The following CPQ variants were observed in gnomAD, a reference collection of about 807,000 sequenced individuals.
CPQ encodes the protein carboxypeptidase Q, also known as Ser-Met dipeptidase.
In CPQ, 37 loss-of-function variants were observed where a neutral mutation model predicts 45.7. The ratio of observed to expected loss-of-function variants is 0.81; its 90% confidence interval spans 0.62 to 1.07. The LOEUF is 1.07. Ranked by LOEUF, CPQ falls within the 50% of genes least tolerant of loss-of-function variation. CPQ has a pLI of 0.00. For missense variants in CPQ, 537 were observed against 572.9 expected, an observed-to-expected ratio of 0.94 and a Z score of 0.64; for synonymous variants, 186 against 205.8, an observed-to-expected ratio of 0.90 and a Z score of 0.82.
chr8:96,737,250 C>A lies in CPQ; in HGVS notation c.-34-47614C>A, dbSNP rs1324673026. Among the ~76,000 whole-genome samples, 411 of 137,194 alleles carry A rather than the reference C, an allele frequency of 3.0e-3. 2 individuals carry two copies. The highest frequency in any genetic ancestry group is 7.5e-3 in the African/African-American group (264 of 35,170). The allele number at this position is 137,194 out of a possible 152,430, so 90.0% of individuals were successfully genotyped here. A position where few individuals can be genotyped will look rare whatever the true frequency, so the allele number is the denominator to read the frequency against. On this transcript the variant is annotated intron_variant, in intron 1 of 7. Transcript: ENST00000220763. ...TAAGATACACACACACACACACACA[C>A]ACACAAAAAAAAACTAATAGGATAT...
At chr8:96,771,561 G>A (rs902199347) in intron 1 of CPQ, among the ~76,000 whole-genome samples, 1 of 152,098 alleles carries the variant, frequency 6.6e-6, no homozygotes, top group Non-Finnish European at 1.5e-5. Flanking sequence ...CAGTCTGGAT[G>A]CTTACTTTGC....
In CPQ at chr8:96,759,660, G is replaced by T. The variant is rs539992050; in HGVS notation, c.-34-25204G>T. ...ATGTTGAGATTCTCTTAACATTTTT[G>T]TTTTATAGATGAGGAGACTGAGGTG... On this transcript the variant is annotated intron_variant, in intron 1 of 7. Transcript: ENST00000220763. Among the ~76,000 whole-genome samples, 5 of 152,140 alleles carry T rather than the reference G, an allele frequency of 3.3e-5. No homozygotes were observed. The South Asian group carries it at 8.3e-4, about 25-fold the overall frequency.
intron 3 of CPQ, among the ~76,000 whole-genome samples, chr8:96,854,792 G>A (rs1365365502): frequency 6.6e-6 from 1 of 152,140 alleles, no homozygotes; most frequent in African/African-American, 2.4e-5. Context: ...CCTGAGACAG[G>A]AGAACTGATT....
At chr8:97,116,892 G>A (rs1274806996) in intron 7 of CPQ, among the ~76,000 whole-genome samples, 1 of 152,356 alleles carries the variant, frequency 6.6e-6, no homozygotes, top group East Asian at 1.9e-4. Flanking sequence ...TGGGCTTGCT[G>A]TAGATCCTCT....
chr8:97,089,870 A>G (rs1811102528), intron 7 of CPQ, among the ~76,000 whole-genome samples: 1 of 152,134 alleles, frequency 6.6e-6, no homozygotes, highest in Non-Finnish European at 1.5e-5. Context: ...CCTGAGCCCA[A>G]TACCCCAAAA....
chr8:97,069,751 C>T (rs192993679), intron 7 of CPQ, among the ~76,000 whole-genome samples: 15 of 151,840 alleles, frequency 9.9e-5, no homozygotes, highest in Admixed American at 9.2e-4. Context: ...TTTTCTTTCA[C>T]GGATTCAATA....
intron 1 of CPQ, among the ~76,000 whole-genome samples, chr8:96,651,059 T>G (rs1815571285): frequency 6.6e-6 from 1 of 152,218 alleles, no homozygotes; most frequent in South Asian, 2.1e-4. Context: ...GACTTGGGTA[T>G]TGAATATGAA....
chr8:96,712,060 C>T (rs1199203901), intron 1 of CPQ, among the ~76,000 whole-genome samples: 1 of 151,932 alleles, frequency 6.6e-6, no homozygotes, highest in East Asian at 1.9e-4. Flanking sequence ...AAAGGGGATA[C>T]AACCCCTTTC....
At chr8:96,770,691 A>C (rs925986853) in intron 1 of CPQ, among the ~76,000 whole-genome samples, 15 of 147,652 alleles carry the variant, frequency 1.0e-4, no homozygotes, top group Non-Finnish European at 1.9e-4. Flanking sequence ...AATATAAATG[A>C]GTGTTATTTT....
At chr8:96,661,045 G>T (rs527297089) in intron 1 of CPQ, among the ~76,000 whole-genome samples, 4 of 152,108 alleles carry the variant, frequency 2.6e-5, no homozygotes, top group African/African-American at 4.8e-5. Flanking sequence ...AGTGGCAGTT[G>T]CTCTGAACAT....
chr8:96,769,613 T>A (rs1433233376), intron 1 of CPQ, among the ~76,000 whole-genome samples: 3 of 151,364 alleles, frequency 2.0e-5, no homozygotes, highest in Non-Finnish European at 4.4e-5. Context: ...TCATAGTTGG[T>A]TCTGTTTACT....
At chr8:96,908,325 A>T (rs1461927405) in intron 4 of CPQ, among the ~76,000 whole-genome samples, 2 of 152,134 alleles carry the variant, frequency 1.3e-5, no homozygotes, top group South Asian at 2.1e-4. Context: ...CTGCCTTGGG[A>T]TGTTCTAAAG....
At chr8:96,995,254 T>C (rs1809158364) in intron 5 of CPQ, among the ~76,000 whole-genome samples, 2 of 151,920 alleles carry the variant, frequency 1.3e-5, no homozygotes, top group Admixed American at 1.3e-4. Context: ...TAAAAATTTA[T>C]AAAGTTTATA....
At chr8:96,963,929 GGC>G (rs1813506835) in intron 4 of CPQ, among the ~76,000 whole-genome samples, 3 of 151,548 alleles carry the variant, frequency 2.0e-5, no homozygotes, top group Non-Finnish European at 4.4e-5. Context: ...TTTTGTATCT[GGC>G]TTCTTTCATT....
At chr8:96,725,989 C>A (rs933353990) in intron 1 of CPQ, among the ~76,000 whole-genome samples, 2 of 152,134 alleles carry the variant, frequency 1.3e-5, no homozygotes, top group African/African-American at 4.8e-5. Context: ...GACACAGGAA[C>A]AGAAAACCAA....
Position 96,933,412 on chromosome 8 carries a change from A to G in CPQ, c.850-32523A>G, listed in dbSNP as rs183760441. On this transcript the variant is annotated intron_variant, in intron 4 of 7. Coordinates refer to ENST00000220763, the MANE Select transcript of CPQ (RefSeq NM_016134.4). Reference sequence around the variant, plus strand: ...AGAATGAAATGGAAAGTGGTCCTGTATCATCAGCAGTAGCTTCTTGTGGAC... The same window carrying G: ...AGAATGAAATGGAAAGTGGTCCTGTGTCATCAGCAGTAGCTTCTTGTGGAC... 1.6e-3 allele frequency among the ~76,000 whole-genome samples: 246 copies of G among 152,328 alleles called. 2 individuals are homozygous for G. The highest frequency in any genetic ancestry group is 0.012 in the Admixed American group (188 of 15,296).
chr8:96,935,374 G>T (rs1813031771), intron 4 of CPQ, among the ~76,000 whole-genome samples: 1 of 152,148 alleles, frequency 6.6e-6, no homozygotes, highest in African/African-American at 2.4e-5. Context: ...CTTTCATTGT[G>T]ATGGGGTTAT....
intron 4 of CPQ, among the ~76,000 whole-genome samples, chr8:96,944,146 A>G (rs977489377): frequency 2.0e-5 from 3 of 152,128 alleles, no homozygotes; most frequent in South Asian, 2.1e-4. Context: ...AGTGTTATCA[A>G]AAACACAGTA....
At chr8:96,838,738 G>A (rs1339670419) in intron 3 of CPQ, among the ~76,000 whole-genome samples, 3 of 152,026 alleles carry the variant, frequency 2.0e-5, no homozygotes, top group Admixed American at 1.3e-4. Context: ...GTCTACGGAA[G>A]GAATGAATTT....
Sources: allele counts gnomAD v4.1 joint callset (sites outside exome capture counted in the v4.1 genomes callset), GRCh38; gene constraint gnomAD v4.1.1; transcripts MANE v1.5; gene names NCBI Gene and HGNC (gene_info 2026-07-23, HGNC 2026-07-21).